Variants in QTMAN observed in about 807,000 individuals in gnomAD.
QTMAN encodes tRNA-queuosine alpha-mannosyltransferase.
At chr2:144,100,984 C>T in the QTMAN span, among the ~76,000 whole-genome samples, 1 of 150,970 alleles carries the variant, frequency 6.6e-6, no homozygotes, top group African/African-American at 2.4e-5. Context: ...ATTCTCCTGC[C>T]TCAGCCTCCC....
the QTMAN span, among the ~76,000 whole-genome samples, chr2:144,029,693 A>G: frequency 1.6e-4 from 24 of 152,216 alleles, no homozygotes; most frequent in Non-Finnish European, 2.5e-4. Context: ...GAAAAAATCT[A>G]TAACTAGACA....
At chr2:143,942,591 C>T in the QTMAN span, 1 of 167,086 alleles carries the variant, frequency 6.0e-6, no homozygotes, top group East Asian at 1.9e-4. Flanking sequence ...TCTTCCTTTC[C>T]TTACCCTTCA....
At chr2:144,182,788 T>TATATATATATATATTATATATATA in the QTMAN span, among the ~76,000 whole-genome samples, 1 of 43,666 alleles carries the variant, frequency 2.3e-5, no homozygotes, top group East Asian at 7.2e-4. Flanking sequence ...AGGTACATTA[T>TATATATATATATATTATATATATA]ATATATATAT....
the QTMAN span, among the ~76,000 whole-genome samples, chr2:144,065,508 G>GT: frequency 6.6e-6 from 1 of 152,158 alleles, no homozygotes; most frequent in Non-Finnish European, 1.5e-5. Flanking sequence ...TAAGTTGGCT[G>GT]TATCTTTCTA....
chr2:144,299,170 T>G, the QTMAN span, among the ~76,000 whole-genome samples: 8 of 152,198 alleles, frequency 5.3e-5, no homozygotes, highest in Non-Finnish European at 1.2e-4. Context: ...TAGTTGAAAC[T>G]TCTCTCACTA....
the QTMAN span, among the ~76,000 whole-genome samples, chr2:144,231,970 A>G: frequency 4.0e-5 from 6 of 151,754 alleles, no homozygotes; most frequent in Admixed American, 3.9e-4. Flanking sequence ...TAACTGGATC[A>G]AGTGAAAAAA....
chr2:144,056,578 A>G, the QTMAN span, among the ~76,000 whole-genome samples: 1 of 152,216 alleles, frequency 6.6e-6, no homozygotes. Flanking sequence ...ATACTGCGAT[A>G]TTCCTATATC....
the QTMAN span, among the ~76,000 whole-genome samples, chr2:144,131,461 C>T: frequency 1.3e-5 from 2 of 151,818 alleles, no homozygotes; most frequent in Non-Finnish European, 2.9e-5. Context: ...ACTTGTTTCT[C>T]TGTTTCTTAT....
At chr2:143,988,557 G>C in the QTMAN span, among the ~76,000 whole-genome samples, 2 of 152,242 alleles carry the variant, frequency 1.3e-5, no homozygotes, top group Admixed American at 6.5e-5. Flanking sequence ...CCAGTGGTTA[G>C]ATTAAATCAT....
chr2:144,026,964 A>G, the QTMAN span, among the ~76,000 whole-genome samples: 1 of 152,320 alleles, frequency 6.6e-6, no homozygotes, highest in Admixed American at 6.5e-5. Context: ...AAAATACACA[A>G]ACTATTTCAA....
the QTMAN span, among the ~76,000 whole-genome samples, chr2:144,185,742 A>T: frequency 6.6e-6 from 1 of 152,182 alleles, no homozygotes; most frequent in Non-Finnish European, 1.5e-5. Context: ...TTGGATGTAC[A>T]GCCACTAGCA....
the QTMAN span, among the ~76,000 whole-genome samples, chr2:144,279,303 G>T: frequency 6.7e-6 from 1 of 149,642 alleles, no homozygotes; most frequent in South Asian, 2.1e-4. Flanking sequence ...AGAGTGAAAG[G>T]ATCAGACCCA....
At chr2:143,973,695 A>G in the QTMAN span, among the ~76,000 whole-genome samples, 1 of 151,892 alleles carries the variant, frequency 6.6e-6, no homozygotes, top group Non-Finnish European at 1.5e-5. Flanking sequence ...AGGCTGAGGC[A>G]GGAGAATGGC....
At chr2:143,949,804 CTTG>C in the QTMAN span, among the ~76,000 whole-genome samples, 1 of 151,682 alleles carries the variant, frequency 6.6e-6, no homozygotes, top group South Asian at 2.1e-4. Flanking sequence ...ATTACAATAA[CTTG>C]TTGTATCATT....
chr2:144,022,560 C>CTTTTTTTTTTTTTTTT, the QTMAN span, among the ~76,000 whole-genome samples: 4 of 104,246 alleles, frequency 3.8e-5, no homozygotes, highest in African/African-American at 8.6e-5. Flanking sequence ...CTCTCTCTCT[C>CTTTTTTTTTTTTTTTT]TTTTTTTTTT....
the QTMAN span, among the ~76,000 whole-genome samples, chr2:144,212,998 T>C: frequency 6.6e-6 from 1 of 152,132 alleles, no homozygotes; most frequent in African/African-American, 2.4e-5. Context: ...ATTGTCTACC[T>C]TTTCAAAAAT....
the QTMAN span, among the ~76,000 whole-genome samples, chr2:144,206,717 CACTT>C: frequency 1.3e-5 from 2 of 152,314 alleles, no homozygotes; most frequent in Non-Finnish European, 2.9e-5. Context: ...AATGCTGTGA[CACTT>C]ACCCTCAAAT....
the QTMAN span, among the ~76,000 whole-genome samples, chr2:144,170,261 C>T: frequency 6.6e-6 from 1 of 152,146 alleles, no homozygotes; most frequent in Non-Finnish European, 1.5e-5. Flanking sequence ...TGTGAAGAGT[C>T]TGAGATTCTG....
the QTMAN span, among the ~76,000 whole-genome samples, chr2:144,231,624 T>C: frequency 1.3e-5 from 2 of 152,134 alleles, no homozygotes; most frequent in East Asian, 3.8e-4. Context: ...TTAAACATTA[T>C]GGCTCTTAAA....
Sources: gnomAD v4.1 joint callset for allele counts (sites outside exome capture counted in the v4.1 genomes callset) on GRCh38, gnomAD v4.1.1 for gene constraint, MANE v1.5 for transcripts, NCBI Gene and HGNC (gene_info 2026-07-23, HGNC 2026-07-21) for gene names.